PFKP: variants seen among roughly 807,000 people sequenced by gnomAD.
PFKP encodes the protein phosphofructokinase, platelet, also known as ATP-dependent 6-phosphofructokinase, platelet type.
A neutral mutation model predicts 94.3 loss-of-function variants in PFKP; 101 were observed. The observed-to-expected ratio is 1.07, with a 90% CI of 0.91 to 1.26. The LOEUF is 1.26. Ranked by LOEUF, PFKP falls within the 50% of genes most tolerant of loss-of-function variation. PFKP has a pLI of 0.00. For synonymous variants in PFKP, 573 were observed against 432.6 expected (o/e 1.32, Z -4.03); for missense variants, 1,145 against 1,103.3 (o/e 1.04, Z -0.53).
At chr10:3,079,579 CA>C (rs1163028371) in intron 1 of PFKP, among the ~76,000 whole-genome samples, 1 of 150,150 alleles carries the variant, frequency 6.7e-6, no homozygotes, top group Non-Finnish European at 1.5e-5. Flanking sequence ...TATGTCTTTC[CA>C]CTTAACATTT....
intron 2 of PFKP, among the ~76,000 whole-genome samples, chr10:3,094,985 C>T (rs1057100325): frequency 2.6e-5 from 4 of 152,148 alleles, no homozygotes; most frequent in African/African-American, 9.7e-5. Context: ...CTGGAAGGCA[C>T]TTTTAAAGTC....
At chr10:3,121,381 T>G (rs1301751764) in intron 16 of PFKP, among the ~76,000 whole-genome samples, 1 of 152,224 alleles carries the variant, frequency 6.6e-6, no homozygotes, top group Non-Finnish European at 1.5e-5. Flanking sequence ...GTCATTGCTT[T>G]CACTGCTCTT....
intron 16 of PFKP, among the ~76,000 whole-genome samples, chr10:3,125,988 A>G (rs1057059054): frequency 6.6e-6 from 1 of 152,222 alleles, no homozygotes; most frequent in African/African-American, 2.4e-5. Context: ...ACAGCAAAGC[A>G]GAACTGCTGG....
intron 1 of PFKP, among the ~76,000 whole-genome samples, chr10:3,077,098 T>C (rs964072366): frequency 6.6e-6 from 1 of 151,934 alleles, no homozygotes; most frequent in Non-Finnish European, 1.5e-5. Flanking sequence ...TGCATTGAAA[T>C]TAACAAGTGA....
rs1336033544 is a variant in PFKP at position 3,108,778 on chromosome 10, A to G, written c.948A>G (p.Ala316=). Residue 316 remains alanine, a synonymous_variant, in exon 9 of 22, where the codon GCA becomes GCG. Coordinates refer to ENST00000381125, the MANE Select transcript of PFKP (RefSeq NM_002627.5). ...GHVQRGGTPS[A]FDRILASRMG... ...TGCAGAGAGGAGGGACCCCTTCGGCATTCGACAGGATCTTGGTGAGTTGGG... is the reference window on the plus strand; with the variant it reads ...TGCAGAGAGGAGGGACCCCTTCGGCGTTCGACAGGATCTTGGTGAGTTGGG... 2.0e-5 allele frequency: 33 copies of G among 1,612,438 alleles called. No homozygotes were observed. Among genetic ancestry groups the G allele is most frequent in the Non-Finnish European group, 2.8e-5 (33 of 1,178,634 alleles).
intron 2 of PFKP, among the ~76,000 whole-genome samples, chr10:3,095,131 G>C (rs950465735): frequency 7.0e-6 from 1 of 142,394 alleles, no homozygotes; most frequent in African/African-American, 2.5e-5. Flanking sequence ...CATGCAACAA[G>C]CATTCTGAAA....
At chr10:3,116,274 C>A (rs58449618) in intron 13 of PFKP, among the ~76,000 whole-genome samples, 1 of 152,162 alleles carries the variant, frequency 6.6e-6, no homozygotes, top group Non-Finnish European at 1.5e-5. Flanking sequence ...CCCAGAATCT[C>A]GTGACCGGAA....
chr10:3,107,980 GCTT>G (rs1392196075), intron 8 of PFKP: 1 of 1,289,634 alleles, frequency 7.8e-7, no homozygotes, highest in Non-Finnish European at 1.0e-6. Flanking sequence ...TTGCAAGTCG[GCTT>G]CTTTATTGTG....
chr10:3,104,865 G>T (rs569556507), intron 5 of PFKP: 5 of 567,370 alleles, frequency 8.8e-6, no homozygotes, highest in Non-Finnish European at 1.6e-5. Flanking sequence ...GGTGTCCAAC[G>T]TGCAACTGGA....
chr10:3,136,669 T>C lies in PFKP; in HGVS notation c.*90T>C. ...TTTTATCAGCACTTTATGCACGTAT[T>C]ATTGACATTAATACCTAATCGGCGA... is the stretch of plus-strand genomic sequence containing the variant. On this transcript the variant is annotated 3_prime_UTR_variant, in exon 22 of 22. Transcript: ENST00000381125. 1.4e-6 allele frequency: 2 copies of C among 1,414,450 alleles called. No individual in the cohort carries two copies. The highest frequency in any genetic ancestry group is 2.5e-5 in the South Asian group (2 of 79,144). 87.6% of individuals were successfully genotyped at this position (1,414,450 alleles called of 1,614,324 possible). A position where few individuals can be genotyped will look rare whatever the true frequency, so the allele number is the denominator to read the frequency against.
At position 3,134,584 on chromosome 10, in the gene PFKP, T is replaced by C; in HGVS notation, c.2122+2T>C. On this transcript the variant is annotated splice_donor_variant, in intron 20 of 21. Coordinates refer to ENST00000381125, the MANE Select transcript of PFKP (RefSeq NM_002627.5). LOFTEE classifies it high-confidence loss of function. ...AACTCAAGGAGGCCCGGGGCAGAGG[T>C]AAGGGGTCTGGGGAGGGAGGCCACA... 6.2e-7 allele frequency: 1 copy of C among 1,604,432 alleles called. No homozygotes were observed. Among genetic ancestry groups the C allele is most frequent in the Non-Finnish European group, 8.5e-7 (1 of 1,171,580 alleles).
intron 18 of PFKP, 94 bp downstream of exon 18, chr10:3,132,535 T>A (rs1838712198): frequency 1.1e-6 from 1 of 882,464 alleles, no homozygotes; most frequent in South Asian, 1.4e-5. Context: ...GAGTGGTCAT[T>A]TCTTTGCCGC....
chr10:3,083,429 TGAG>T, intron 2 of PFKP, among the ~76,000 whole-genome samples: 1 of 152,310 alleles, frequency 6.6e-6, no homozygotes, highest in South Asian at 2.1e-4. Context: ...GCTTTAAAAA[TGAG>T]AAGAAGGTAT....
intron 1 of PFKP, among the ~76,000 whole-genome samples, chr10:3,080,510 C>G (rs1330612556): frequency 1.9e-5 from 2 of 107,768 alleles, no homozygotes; most frequent in Non-Finnish European, 3.5e-5. Flanking sequence ...GAGCGAGACT[C>G]CGTCTCAAAA....
intron 2 of PFKP, among the ~76,000 whole-genome samples, chr10:3,091,486 T>A (rs911831764): frequency 3.3e-5 from 5 of 152,198 alleles, no homozygotes; most frequent in African/African-American, 1.2e-4. Flanking sequence ...ATTTCAGAAA[T>A]TGTTCATATT....
chr10:3,087,188 A>G (rs1472291150), intron 2 of PFKP, among the ~76,000 whole-genome samples: 1 of 151,358 alleles, frequency 6.6e-6, no homozygotes, highest in Non-Finnish European at 1.5e-5. Context: ...TGAACTGCTG[A>G]CCTCAAGTGA....
intron 20 of PFKP, 39 bp from the exon 21 acceptor site, chr10:3,135,697 T>G: frequency 1.6e-6 from 2 of 1,274,700 alleles, no homozygotes; most frequent in Non-Finnish European, 1.1e-6. Flanking sequence ...CTGCCCATGT[T>G]GACAGGGTGT....
At chr10:3,097,362 C>T (rs1408582619) in intron 2 of PFKP, among the ~76,000 whole-genome samples, 1 of 152,110 alleles carries the variant, frequency 6.6e-6, no homozygotes, top group African/African-American at 2.4e-5. Context: ...CTGCATCCGA[C>T]CTCACACTTG....
At chr10:3,070,507 C>T (rs867795875) in intron 1 of PFKP, among the ~76,000 whole-genome samples, 1 of 152,084 alleles carries the variant, frequency 6.6e-6, no homozygotes, top group South Asian at 2.1e-4. Flanking sequence ...TGGTAAAATT[C>T]CGTATATTAA....
Sources: allele counts gnomAD v4.1 joint callset (sites outside exome capture counted in the v4.1 genomes callset), GRCh38; gene constraint gnomAD v4.1.1; transcripts MANE v1.5; gene names NCBI Gene and HGNC (gene_info 2026-07-23, HGNC 2026-07-21).